The following BTAF1 variants were observed in gnomAD, a reference collection of about 807,000 sequenced individuals.
BTAF1 encodes the protein B-TFIID TATA-box binding protein associated factor 1, also known as TATA-binding protein-associated factor 172.
A neutral mutation model predicts 227.1 loss-of-function variants in BTAF1; 38 were observed. That is an observed-to-expected ratio of 0.17 (90% CI 0.13 to 0.22). BTAF1 has a LOEUF of 0.22. BTAF1 is among the 10% of genes least tolerant of loss of function. The probability of loss-of-function intolerance (pLI) is 1.00; values close to 1 mark genes in which losing one functional copy is unlikely to be tolerated. For synonymous variants in BTAF1, 742 were observed against 751.9 expected (o/e 0.99, Z 0.21); for missense variants, 1,598 against 2,204.0 (o/e 0.73, Z 5.51).
intron 14 of BTAF1, among the ~76,000 whole-genome samples, chr10:91,974,509 A>G (rs1026320860): frequency 1.3e-5 from 2 of 152,158 alleles, no homozygotes; most frequent in African/African-American, 2.4e-5. Flanking sequence ...TTAACATGTG[A>G]AAGAATTGGC....
At chr10:91,966,233 C>T (rs540742324) in intron 13 of BTAF1, among the ~76,000 whole-genome samples, 2 of 152,102 alleles carry the variant, frequency 1.3e-5, no homozygotes, top group South Asian at 2.1e-4. Flanking sequence ...TGTATCTACC[C>T]GTTGGGGTTA....
Position 91,960,040 on chromosome 10 carries a change from C to T in BTAF1, c.1149C>T (p.Asn383=), listed in dbSNP as rs148171563. 2.2e-4 allele frequency: 355 copies of T among 1,613,056 alleles called. No homozygotes were observed. The African/African-American group carries it at 2.8e-3, about 13-fold the overall frequency. The change falls in exon 11 of 38, where the codon AAC becomes AAT. Residue 383 remains asparagine (N), a synonymous_variant. Transcript: ENST00000265990. The stretch of plus-strand genomic sequence containing the variant: ...TAGGTGTGGTTTTAAAACACATGAA[C>T]GAAACAGGAGTTCATAAGACTGTGG... The part of the protein sequence containing the change: ...QTLGVVLKHM[N]ETGVHKTVDV...
chr10:91,959,743 TATATATA>T, intron 9 of BTAF1, 35 bp from the exon 10 acceptor site: 1 of 36,600 alleles, frequency 2.7e-5, no homozygotes, highest in Non-Finnish European at 3.7e-5. Context: ...TGTGTGTGTA[TATATATA>T]TATATATATA....
chr10:91,938,988 AAG>A lies in BTAF1; in HGVS notation c.139-963_139-962del, dbSNP rs1554849201. On this transcript the variant is annotated intron_variant, in intron 2 of 37. Transcript: ENST00000265990. ...TTTCCATTTCTGCAAAAAAAAAAAA[AAG>A]GGGGGGGGGATTTTGATAGGAATTG... Among the ~76,000 whole-genome samples the A allele has an allele frequency of 3.9e-3, 550 of 141,876 alleles. 5 individuals carry two copies. Among genetic ancestry groups the A allele is most frequent in the African/African-American group, 9.0e-3 (346 of 38,574 alleles). The allele number at this position is 141,876 out of a possible 152,430, so 93.1% of individuals were successfully genotyped here.
intron 21 of BTAF1, among the ~76,000 whole-genome samples, chr10:91,992,795 T>C (rs773741506): frequency 6.6e-6 from 1 of 152,220 alleles, no homozygotes; most frequent in Non-Finnish European, 1.5e-5. Context: ...TGGCTTCATA[T>C]GTGTGAGGGT....
In BTAF1 at chr10:91,984,346, T is replaced by C. The variant is rs1183464117; in HGVS notation, c.2369T>C (p.Ile790Thr). The C allele has an allele frequency of 2.5e-6, 4 of 1,613,386 alleles. No individual in the cohort carries two copies. In the Admixed American group the frequency reaches 6.7e-5, roughly 27 times the overall value. The change falls in exon 19 of 38, where the codon ATT (isoleucine) becomes ACT (threonine). Residue 790 changes from isoleucine to threonine, a missense_variant. By Grantham distance (89) the Ile-to-Thr change is moderately conservative (BLOSUM62 -1). Transcript: ENST00000265990. Reference sequence around the variant, plus strand: ...ATATCATCATTAGCTGATGTACATATTGAAGTTGGTAATCGAGTAAACAAC... The same window carrying C: ...ATATCATCATTAGCTGATGTACATACTGAAGTTGGTAATCGAGTAAACAAC... ...QLISSLADVHIEVGNRVNNNV... is the reference protein window; with the variant it reads ...QLISSLADVHTEVGNRVNNNV...
chr10:91,993,987 G>C (rs1230838684), intron 22 of BTAF1, 140 bp downstream of exon 22: 4 of 640,974 alleles, frequency 6.2e-6, no homozygotes, highest in Non-Finnish European at 9.2e-6. Context: ...ATGGAAACTT[G>C]GTTTAAAAAA....
chr10:91,937,194 C>T (rs1171625737), intron 2 of BTAF1, among the ~76,000 whole-genome samples: 1 of 151,918 alleles, frequency 6.6e-6, no homozygotes, highest in Non-Finnish European at 1.5e-5. Context: ...GGGGTTTCAC[C>T]ATGTTGGCTA....
At chr10:91,973,579 T>C (rs1847463603) in intron 14 of BTAF1, among the ~76,000 whole-genome samples, 1 of 152,176 alleles carries the variant, frequency 6.6e-6, no homozygotes, top group South Asian at 2.1e-4. Context: ...CATTCCTGTT[T>C]TGCAGATGAG....
chr10:91,935,623 T>C (rs377752814), intron 1 of BTAF1, 34 bp from the exon 2 acceptor site: 2 of 1,606,416 alleles, frequency 1.2e-6, no homozygotes, highest in African/African-American at 1.3e-5. Context: ...AGGAAAAGCA[T>C]TTGAGAATAA....
chr10:91,923,821 G>A lies in BTAF1; in HGVS notation c.-256G>A, dbSNP rs1225146431. On this transcript the variant is annotated 5_prime_UTR_variant, in exon 1 of 38. Transcript: ENST00000265990. The stretch of plus-strand genomic sequence containing the variant: ...GCAAAGAGCGGAGCTGAGGGTACCC[G>A]GTTTGAAGTCGTGCGGGTCGGAGGA... 3 of 426,824 alleles carry A rather than the reference G, an allele frequency of 7.0e-6. No individual in the cohort carries two copies. The highest frequency in any genetic ancestry group is 8.3e-6 in the Non-Finnish European group (2 of 240,456). The allele number at this position is 426,824 out of a possible 1,614,324, so 26.4% of individuals were successfully genotyped here. A position where few individuals can be genotyped will look rare whatever the true frequency, so the allele number is the denominator to read the frequency against.
At position 91,956,383 on chromosome 10, in the gene BTAF1, A is replaced by G. The variant is rs1352023517; in HGVS notation, c.702-145A>G. ...ATACATGGGATTTTAAGTAAATCAT[A>G]TAAGCAGAATATGGTGTAAAACATT... On this transcript the variant is annotated intron_variant, in intron 6 of 37. Coordinates refer to ENST00000265990, the MANE Select transcript of BTAF1 (RefSeq NM_003972.3). 11 of 1,051,986 alleles carry G rather than the reference A, an allele frequency of 1.0e-5. No homozygotes were observed. The East Asian group carries it at 1.9e-4, about 18-fold the overall frequency. 65.2% of individuals were successfully genotyped at this position (1,051,986 alleles called of 1,614,324 possible).
chr10:91,993,860 T>C lies in BTAF1; in HGVS notation c.3199+13T>C. Reference sequence around the variant, plus strand: ...ATAAATAATTTTGGTATACACATATTTTTATGAGTCCAGTTTTTAACAAAT... The same window carrying C: ...ATAAATAATTTTGGTATACACATATCTTTATGAGTCCAGTTTTTAACAAAT... On this transcript the variant is annotated intron_variant, in intron 22 of 37. Transcript: ENST00000265990. The C allele has an allele frequency of 6.4e-7, 1 of 1,552,874 alleles. No homozygotes were observed. Among genetic ancestry groups the C allele is most frequent in the East Asian group, 2.3e-5 (1 of 43,718 alleles).
intron 28 of BTAF1, 86 bp downstream of exon 28, chr10:92,009,294 A>G (rs1850143726): frequency 3.6e-6 from 5 of 1,389,388 alleles, no homozygotes; most frequent in Non-Finnish European, 4.9e-6. Flanking sequence ...AGTGAATTCT[A>G]ATTAGCTCTT....
At chr10:91,952,404 C>T (rs1438844342) in intron 5 of BTAF1, among the ~76,000 whole-genome samples, 2 of 152,086 alleles carry the variant, frequency 1.3e-5, no homozygotes, top group Non-Finnish European at 2.9e-5. Flanking sequence ...TTTTGAAGCT[C>T]TAGTAAAAGC....
intron 32 of BTAF1, among the ~76,000 whole-genome samples, chr10:92,015,398 C>T (rs149633087): frequency 1.4e-4 from 22 of 152,278 alleles, no homozygotes; most frequent in African/African-American, 4.1e-4. Context: ...ACTTTTCCCC[C>T]CTCCATTGTA....
intron 1 of BTAF1, among the ~76,000 whole-genome samples, chr10:91,930,296 A>C (rs1200876176): frequency 6.6e-6 from 1 of 152,198 alleles, no homozygotes; most frequent in Non-Finnish European, 1.5e-5. Flanking sequence ...AGGGTAGAAA[A>C]AAATGTCTTG....
chr10:91,962,669 G>A lies in BTAF1; in HGVS notation c.1395G>A (p.Gln465=). Residue 465 remains glutamine, a synonymous_variant, in exon 12 of 38, where the codon CAG becomes CAA. Coordinates refer to ENST00000265990, the MANE Select transcript of BTAF1 (RefSeq NM_003972.3). ...VPVVESLVYL[Q]TQKVPFIINT... ...TAGTAGAAAGCCTTGTCTATCTTCAGACACAAAAGGTAAATTAAATATTTT... is the reference window on the plus strand; with the variant it reads ...TAGTAGAAAGCCTTGTCTATCTTCAAACACAAAAGGTAAATTAAATATTTT... 2 of 1,589,030 alleles carry A rather than the reference G, an allele frequency of 1.3e-6. No individual in the cohort carries two copies. The highest frequency in any genetic ancestry group is 1.7e-6 in the Non-Finnish European group (2 of 1,170,872).
chr10:91,989,515 A>G lies in BTAF1; in HGVS notation c.2789A>G (p.Asp930Gly). The change falls in exon 20 of 38, where the codon GAC (aspartate) becomes GGC (glycine). Residue 930 changes from aspartate to glycine, a missense_variant. Asp to Gly is a moderately conservative substitution (Grantham distance 94). This residue lies in a region of BTAF1 where 425 missense variants were observed against 491.2 expected (regional missense o/e 0.87). Transcript: ENST00000265990. Reference protein sequence around the residue: ...IKNLCSSLCVDPYLTPCVTCP... With the variant: ...IKNLCSSLCVGPYLTPCVTCP... ...AACCTCTGTAGCTCACTTTGTGTGG[A>G]CCCATATCTAACTCCTTGTGTCACA... The G allele has an allele frequency of 6.2e-7, 1 of 1,613,716 alleles. No individual in the cohort carries two copies. The highest frequency in any genetic ancestry group is 1.3e-5 in the African/African-American group (1 of 75,060).
Sources: allele counts gnomAD v4.1 joint callset (sites outside exome capture counted in the v4.1 genomes callset), GRCh38; gene constraint gnomAD v4.1.1; regional missense constraint gnomAD v4.1.1; transcripts MANE v1.5; gene names NCBI Gene and HGNC (gene_info 2026-07-23, HGNC 2026-07-21).